TARDBP: variants seen among roughly 807,000 people sequenced by gnomAD.
The protein encoded by TARDBP is TAR DNA binding protein, also known as TAR DNA-binding protein 43.
Under a neutral mutation model 38.3 loss-of-function variants are expected in TARDBP, and 4 were observed. The observed-to-expected ratio is 0.10, with a 90% confidence interval of 0.05 to 0.24. The LOEUF (loss-of-function observed/expected upper bound fraction) is 0.24. TARDBP is among the 10% of genes least tolerant of loss of function. TARDBP has a pLI of 1.00. For missense variants in TARDBP, 202 were observed against 521.9 expected, an observed-to-expected ratio of 0.39 and a Z score of 5.97; for synonymous variants, 184 against 183.8, an observed-to-expected ratio of 1.00 and a Z score of -0.01.
chr1:11,019,046 A>G (rs1304786359), intron 4 of TARDBP, 173 bp downstream of exon 4: 3 of 810,120 alleles, frequency 3.7e-6, no homozygotes, highest in African/African-American at 3.4e-5. Context: ...GCTTGTTTGA[A>G]ATATTTAGTT....
At chr1:11,019,319 G>T (rs138379225) in intron 4 of TARDBP, 1 of 306,388 alleles carries the variant, frequency 3.3e-6, no homozygotes, top group African/African-American at 2.2e-5. Flanking sequence ...ACACAGTCAT[G>T]TATCACATGG....
At chr1:11,028,709 T>TG (rs1557665500), downstream of TARDBP, among the ~76,000 whole-genome samples, 4 of 119,796 alleles carry the variant, frequency 3.3e-5, no homozygotes, top group African/African-American at 2.0e-4. Flanking sequence ...TTTTTTTCTT[T>TG]TTTTTTTTTT....
At chr1:11,013,076 C>A (rs993179828) in intron 1 of TARDBP, among the ~76,000 whole-genome samples, 1 of 152,200 alleles carries the variant, frequency 6.6e-6, no homozygotes, top group Non-Finnish European at 1.5e-5. Flanking sequence ...CACCCCGGGC[C>A]GCGCCGAGAA....
rs983091824 is a variant in TARDBP at position 11,023,756 on chromosome 1, G to C, written c.*1102G>C. On this transcript the variant is annotated 3_prime_UTR_variant, in exon 6 of 6. Coordinates refer to ENST00000240185, the MANE Select transcript of TARDBP (RefSeq NM_007375.4). The stretch of plus-strand genomic sequence containing the variant: ...TCCCCCTACCCCTTTGTCAACTGCT[G>C]TGAATGCTGTATGGTGTGTGTTCTC... 1 of 159,728 alleles carries C rather than the reference G, an allele frequency of 6.3e-6. No homozygotes were observed. The highest frequency in any genetic ancestry group is 2.4e-5 in the African/African-American group (1 of 41,556). 9.9% of individuals were successfully genotyped at this position (159,728 alleles called of 1,614,324 possible).
rs375128760 is a variant in TARDBP, at chr1:11,020,485, G to A, written c.600G>A (p.Glu200=). 1.9e-6 allele frequency: 3 copies of A among 1,613,986 alleles called. No individual in the cohort carries two copies. In the African/African-American group the frequency reaches 4.0e-5, roughly 22 times the overall value. ...SRKVFVGRCT[E]DMTEDELREF... is the part of the protein sequence containing the mutation. Reference sequence around the variant, plus strand: ...AAGTGTTTGTGGGGCGCTGTACAGAGGACATGACTGAGGATGAGCTGCGGG... The same window carrying A: ...AAGTGTTTGTGGGGCGCTGTACAGAAGACATGACTGAGGATGAGCTGCGGG... The change falls in exon 5 of 6, where the codon GAG becomes GAA. Residue 200 remains glutamate, a synonymous_variant. Coordinates refer to ENST00000240185, the MANE Select transcript of TARDBP (RefSeq NM_007375.4).
Position 11,022,067 on chromosome 1 carries a change from TTAA to T in TARDBP, c.715-56_715-54del. ...TTGTAATCTAAGTTTTGTTGCTACT[TTAA>T]ATATATGAATCAGTGGTTTAATCTT... On this transcript the variant is annotated intron_variant, in intron 5 of 5. Coordinates refer to ENST00000240185, the MANE Select transcript of TARDBP (RefSeq NM_007375.4). This position sits in a 1 kb window ranked among gnomAD's most constrained non-coding sequence, Gnocchi z 4.5. The T allele has an allele frequency of 6.2e-7, 1 of 1,601,266 alleles. No individual in the cohort carries two copies. The highest frequency in any genetic ancestry group is 8.6e-7 in the Non-Finnish European group (1 of 1,169,260).
At chr1:11,017,157 C>T in intron 3 of TARDBP, 150 bp downstream of exon 3, 1 of 848,064 alleles carries the variant, frequency 1.2e-6, no homozygotes, top group South Asian at 1.4e-5. Context: ...TGCCTCGACC[C>T]CAATGTGCTG....
At chr1:11,025,824 T>G (rs374435995), downstream of TARDBP, 6 of 154,908 alleles carry the variant, frequency 3.9e-5, no homozygotes, top group African/African-American at 1.4e-4. Flanking sequence ...AAGTAGGAAG[T>G]TAACTACTCC....
At chr1:11,020,829 G>A (rs559031378) in intron 5 of TARDBP, among the ~76,000 whole-genome samples, 37 of 151,970 alleles carry the variant, frequency 2.4e-4, no homozygotes, top group Non-Finnish European at 5.0e-4. Context: ...CAGGGGAATC[G>A]CTTGAACCCA....
chr1:11,021,419 G>C (rs1317886310), intron 5 of TARDBP, among the ~76,000 whole-genome samples: 1 of 152,140 alleles, frequency 6.6e-6, no homozygotes, highest in African/African-American at 2.4e-5. Context: ...GGGATTACAG[G>C]CATGAGCCAC....
At chr1:11,017,479 G>A (rs2100846161) in intron 3 of TARDBP, among the ~76,000 whole-genome samples, 1 of 152,250 alleles carries the variant, frequency 6.6e-6, no homozygotes, top group South Asian at 2.1e-4. Flanking sequence ...GGGATTACAG[G>A]TGTGAGCCAC....
At position 11,023,572 on chromosome 1, in the gene TARDBP, C is replaced by A; in HGVS notation, c.*918C>A. On this transcript the variant is annotated 3_prime_UTR_variant, in exon 6 of 6. Transcript: ENST00000240185. ...CGAGATGTGTCTCTCAATCCTGTGG[C>A]TTTGGTGAGAGAGTGTGCAGAGAGC... The A allele has an allele frequency of 2.5e-6, 1 of 406,560 alleles. No homozygotes were observed. Among genetic ancestry groups the A allele is most frequent in the South Asian group, 6.3e-5 (1 of 15,802 alleles). The allele number at this position is 406,560 out of a possible 1,614,324, so 25.2% of individuals were successfully genotyped here.
chr1:11,019,326 A>C (rs1412198717), intron 4 of TARDBP: 3 of 303,588 alleles, frequency 9.9e-6, no homozygotes, highest in African/African-American at 2.2e-5. Context: ...CATGTATCAC[A>C]TGGCAAAGTT....
downstream of TARDBP, chr1:11,029,632 A>ACCTTTT (rs1643806802): frequency 2.1e-5 from 1 of 48,550 alleles, no homozygotes; most frequent in Non-Finnish European, 5.4e-5. Flanking sequence ...AATTTTTAAA[A>ACCTTTT]TCTTTTTTTT....
downstream of TARDBP, chr1:11,027,108 G>C: frequency 6.2e-7 from 1 of 1,609,480 alleles, no homozygotes; most frequent in Non-Finnish European, 8.5e-7. Flanking sequence ...CATGTTAGCA[G>C]TTACACTTCC....
intron 1 of TARDBP, among the ~76,000 whole-genome samples, chr1:11,013,022 A>G (rs1643441248): frequency 6.6e-6 from 1 of 152,140 alleles, no homozygotes; most frequent in Admixed American, 6.5e-5. Context: ...GGTACTTTGT[A>G]CTTCGAGGGA....
At chr1:11,018,104 G>C (rs556236923) in intron 3 of TARDBP, among the ~76,000 whole-genome samples, 1 of 151,778 alleles carries the variant, frequency 6.6e-6, no homozygotes, top group Non-Finnish European at 1.5e-5. Context: ...GGATGGTCTC[G>C]ATCTCCTGAC....
rs1000683371 is a variant in TARDBP, at chr1:11,023,599, A to G, written c.*945A>G. 5 of 329,238 alleles carry G rather than the reference A, an allele frequency of 1.5e-5. No homozygotes were observed. The highest frequency in any genetic ancestry group is 4.8e-5 in the East Asian group (1 of 20,748). 20.4% of individuals were successfully genotyped at this position (329,238 alleles called of 1,614,324 possible). On this transcript the variant is annotated 3_prime_UTR_variant, in exon 6 of 6. Coordinates refer to ENST00000240185, the MANE Select transcript of TARDBP (RefSeq NM_007375.4). Reference sequence around the variant, plus strand: ...TTGGTGAGAGAGTGTGCAGAGAGCAATGATAGCAAATAATGTACGAATGTT... The same window carrying G: ...TTGGTGAGAGAGTGTGCAGAGAGCAGTGATAGCAAATAATGTACGAATGTT...
Position 11,023,050 on chromosome 1 carries a change from A to G in TARDBP, c.*396A>G. The G allele has an allele frequency of 6.9e-7, 1 of 1,446,874 alleles. No individual in the cohort carries two copies. The allele number at this position is 1,446,874 out of a possible 1,614,324, so 89.6% of individuals were successfully genotyped here. On this transcript the variant is annotated 3_prime_UTR_variant, in exon 6 of 6. Transcript: ENST00000240185. ...TACCCCTTGTTTTAATTTGAACCCCACCATATGGATTTTTTTCCTTAAGAA... is the reference window on the plus strand; with the variant it reads ...TACCCCTTGTTTTAATTTGAACCCCGCCATATGGATTTTTTTCCTTAAGAA...
Sources: allele counts gnomAD v4.1 joint callset (sites outside exome capture counted in the v4.1 genomes callset), GRCh38; gene constraint gnomAD v4.1.1; non-coding constraint Gnocchi (gnomAD v3.1); transcripts MANE v1.5; gene names NCBI Gene and HGNC (gene_info 2026-07-23, HGNC 2026-07-21).